Variants in LAIR1 observed in about 807,000 individuals in gnomAD.
LAIR1 encodes leukocyte-associated immunoglobulin-like receptor 1.
Under a neutral mutation model 32.8 loss-of-function variants are expected in LAIR1, and 24 were observed. That is an observed-to-expected ratio of 0.73 (90% CI 0.53 to 1.03). LAIR1 has a LOEUF of 1.03. Among genes scored for constraint, LAIR1 ranks in the 50% least tolerant of loss-of-function variants. The pLI, the probability that LAIR1 is intolerant of heterozygous loss-of-function variation, is 0.00. For missense variants in LAIR1, 355 were observed against 347.5 expected (o/e 1.02, Z -0.17); for synonymous variants, 150 against 140.5 (o/e 1.07, Z -0.48).
upstream of LAIR1, among the ~76,000 whole-genome samples, chr19:54,372,314 T>C (rs2082425087): frequency 6.6e-6 from 1 of 151,294 alleles, no homozygotes; most frequent in Non-Finnish European, 1.5e-5. Flanking sequence ...GTCTGCGTTT[T>C]AGAATTTGGC....
intron 5 of LAIR1, 140 bp downstream of exon 5, chr19:54,356,788 C>T: frequency 8.2e-7 from 1 of 1,224,834 alleles, no homozygotes; most frequent in Non-Finnish European, 1.2e-6. Flanking sequence ...CCACCGGGGT[C>T]CTGAGTGCTG....
exon 1 of LAIR1, chr19:54,370,474 T>TA (rs2082377446): frequency 2.2e-6 from 1 of 458,692 alleles, no homozygotes; most frequent in Non-Finnish European, 4.0e-6. Flanking sequence ...CTCGGAACAG[T>TA]ATTTTAACCT....
chr19:54,363,240 A>G (rs1299648328), intron 2 of LAIR1, among the ~76,000 whole-genome samples: 1 of 151,898 alleles, frequency 6.6e-6, no homozygotes, highest in Non-Finnish European at 1.5e-5. Flanking sequence ...TGATGCAGGA[A>G]AAGTCGATGA....
chr19:54,374,981 C>T (rs141044281), upstream of LAIR1, among the ~76,000 whole-genome samples: 572 of 152,180 alleles, frequency 3.8e-3, 1 homozygote, highest in African/African-American at 0.013. Flanking sequence ...TCACCATTAC[C>T]GGAAAGACTG....
intron 3 of LAIR1, chr19:54,360,615 C>T: frequency 2.0e-6 from 1 of 506,004 alleles, no homozygotes; most frequent in Admixed American, 3.5e-5. Flanking sequence ...GGGTTGCCCC[C>T]TAATCTCTGG....
At chr19:54,356,157 C>T in intron 8 of LAIR1, 73 bp downstream of exon 8, 1 of 1,434,828 alleles carries the variant, frequency 7.0e-7, no homozygotes, top group African/African-American at 1.4e-5. Flanking sequence ...CCCCCACCCC[C>T]CACATTGCAT....
chr19:54,354,694 T>C lies in LAIR1; in HGVS notation c.*574A>G, dbSNP rs1404417128. 6.6e-6 allele frequency: 1 copy of C among 152,228 alleles called. No individual in the cohort carries two copies. Among genetic ancestry groups the C allele is most frequent in the Non-Finnish European group, 1.5e-5 (1 of 68,066 alleles). 9.4% of individuals were successfully genotyped at this position (152,228 alleles called of 1,614,324 possible). A position where few individuals can be genotyped will look rare whatever the true frequency, so the allele number is the denominator to read the frequency against. ...GCCAGATGTGAGGCCTTCAAAATTATTTATTGATGCGTGGAGTAAAGCACA... is the reference window on the plus strand; with the variant it reads ...GCCAGATGTGAGGCCTTCAAAATTACTTATTGATGCGTGGAGTAAAGCACA... On this transcript the variant is annotated 3_prime_UTR_variant, in exon 10 of 10. Coordinates refer to ENST00000391742, the MANE Select transcript of LAIR1 (RefSeq NM_002287.6).
chr19:54,356,220 C>T lies in LAIR1; in HGVS notation c.664+10G>A, dbSNP rs759863176. On this transcript the variant is annotated intron_variant, in intron 8 of 9. Coordinates refer to ENST00000391742, the MANE Select transcript of LAIR1 (RefSeq NM_002287.6). ...CCATCCCAGGCCTGTCCCTCCTCCTCCCCCTTTACCTGCTGTCCTCTCTAG... is the reference window on the plus strand; with the variant it reads ...CCATCCCAGGCCTGTCCCTCCTCCTTCCCCTTTACCTGCTGTCCTCTCTAG... 1.9e-6 allele frequency: 3 copies of T among 1,612,260 alleles called. No homozygotes were observed. The East Asian group carries it at 6.7e-5, about 36-fold the overall frequency.
At chr19:54,363,922 A>G (rs2082138814) in intron 2 of LAIR1, among the ~76,000 whole-genome samples, 1 of 152,204 alleles carries the variant, frequency 6.6e-6, no homozygotes, top group Admixed American at 6.5e-5. Context: ...ATATTTCAAA[A>G]TTGCTAAAAG....
rs778685179 is a variant in LAIR1, at chr19:54,360,951, G to T, written c.329C>A (p.Ser110Tyr). The T allele has an allele frequency of 6.2e-7, 1 of 1,614,208 alleles. No individual in the cohort carries two copies. Among genetic ancestry groups the T allele is most frequent in the South Asian group, 1.1e-5 (1 of 91,086 alleles). ...CAGCTCCAGGTAGTCACTCTGCTCAGACCATTTAGGGGGCTTATAATAGAT... is the reference window on the plus strand; with the variant it reads ...CAGCTCCAGGTAGTCACTCTGCTCATACCATTTAGGGGGCTTATAATAGAT... ...RCIYYKPPKW[S>Y]EQSDYLELLV... Residue 110 changes from serine (S) to tyrosine (Y), a missense_variant, in exon 3 of 10, where the codon TCT (serine) becomes TAT (tyrosine). Coordinates refer to ENST00000391742, the MANE Select transcript of LAIR1 (RefSeq NM_002287.6).
intron 4 of LAIR1, chr19:54,358,131 T>G (rs1312078878): frequency 6.8e-6 from 1 of 147,096 alleles, no homozygotes; most frequent in Non-Finnish European, 1.5e-5. Context: ...CTATAATATA[T>G]AATGTATAAT....
Position 54,356,344 on chromosome 19 carries a change from CA to C in LAIR1, c.626+11del. On this transcript the variant is annotated intron_variant, in intron 7 of 9. Transcript: ENST00000391742. ...TGGGTGGAGGTCCAGGAGTCATTCC[CA>C]GGGGCCTCACCTCTGCTGTGGCTTC... 4.4e-6 allele frequency: 7 copies of C among 1,596,726 alleles called. No homozygotes were observed. Among genetic ancestry groups the C allele is most frequent in the Non-Finnish European group, 6.0e-6 (7 of 1,171,946 alleles).
upstream of LAIR1, among the ~76,000 whole-genome samples, chr19:54,369,902 G>C (rs539702645): frequency 2.7e-5 from 4 of 150,380 alleles, 1 homozygote; most frequent in African/African-American, 1.0e-4. Flanking sequence ...AGATGTGGTC[G>C]CCGTAATGAT....
chr19:54,353,628 G>T lies in LAIR1; in HGVS notation c.*1640C>A, dbSNP rs566811272. On this transcript the variant is annotated 3_prime_UTR_variant, in exon 10 of 10. Coordinates refer to ENST00000391742, the MANE Select transcript of LAIR1 (RefSeq NM_002287.6). ...AAAATAATAGAGCACGCTGTGGAGG[G>T]TTTGTAGGAGAATTTAATGTGTCCA... 3 of 152,290 alleles carry T rather than the reference G, an allele frequency of 2.0e-5. No homozygotes were observed. The highest frequency in any genetic ancestry group is 3.9e-4 in the East Asian group (2 of 5,192). 9.4% of individuals were successfully genotyped at this position (152,290 alleles called of 1,614,324 possible).
In LAIR1 at chr19:54,360,824, C is replaced by CAGAG. The variant is rs199652187; in HGVS notation, c.364+88_364+91dup. 7,764 of 1,317,594 alleles carry CAGAG rather than the reference C, an allele frequency of 5.9e-3. 414 individuals are homozygous for CAGAG. In the Admixed American group the frequency reaches 0.1, roughly 17 times the overall value. The allele number at this position is 1,317,594 out of a possible 1,614,324, so 81.6% of individuals were successfully genotyped here. ...GTCAGGAGGAGGACAAGGTTGGCCA[C>CAGAG]AGAGGACAGCAGCTGGGACAGGGTC... On this transcript the variant is annotated intron_variant, in intron 3 of 9. Transcript: ENST00000391742.
At chr19:54,372,156 G>C (rs187697255), upstream of LAIR1, among the ~76,000 whole-genome samples, 147 of 151,770 alleles carry the variant, frequency 9.7e-4, 6 homozygotes, top group African/African-American at 3.2e-3. Context: ...GAATGCAATT[G>C]CTGGATTACA....
rs746673117 is a variant in LAIR1 at position 54,364,303 on chromosome 19, G to T, written c.62C>A (p.Thr21Lys). 1.9e-6 allele frequency: 3 copies of T among 1,613,612 alleles called. No homozygotes were observed. In the African/African-American group the frequency reaches 4.0e-5, roughly 22 times the overall value. Reference protein sequence around the residue: ...LVLCLAQTIHTQEEDLPRPSI... With the variant: ...LVLCLAQTIHKQEEDLPRPSI... ...ACGAAGGCATGACTTACCCTCCTGC[G>T]TGTGGATGGTCTGGGCCAGGCAGAG... The change falls in exon 2 of 10, where the codon ACG (threonine) becomes AAG (lysine). Residue 21 changes from threonine to lysine, a missense_variant. Physicochemically the swap from Thr to Lys is moderately conservative, Grantham distance 78. Transcript: ENST00000391742. The surrounding 1 kb of genome is among the most constrained non-coding windows in gnomAD (Gnocchi z 4.8).
chr19:54,367,767 A>ATTT (rs774147516), upstream of LAIR1, among the ~76,000 whole-genome samples: 692 of 129,490 alleles, frequency 5.3e-3, 5 homozygotes, highest in Admixed American at 0.019. Flanking sequence ...ATTTTTTTTA[A>ATTT]TTTTTTTTTT....
chr19:54,351,574 T>TGC lies in LAIR1; in HGVS notation c.*3693_*3694insGC, dbSNP rs2081531964. 5 of 152,320 alleles carry TGC rather than the reference T, an allele frequency of 3.3e-5. No individual in the cohort carries two copies. In the East Asian group the frequency reaches 7.7e-4, roughly 24 times the overall value. 9.4% of individuals were successfully genotyped at this position (152,320 alleles called of 1,614,324 possible). The stretch of plus-strand genomic sequence containing the variant: ...TCACAGAAAGTTTTCAGAGACTAAC[T>TGC]GGCATCACCAACCAAAACACAACAT... On this transcript the variant is annotated 3_prime_UTR_variant, in exon 10 of 10. Coordinates refer to ENST00000391742, the MANE Select transcript of LAIR1 (RefSeq NM_002287.6).
Sources: gnomAD v4.1 joint callset for allele counts (sites outside exome capture counted in the v4.1 genomes callset) on GRCh38, gnomAD v4.1.1 for gene constraint, Gnocchi (gnomAD v3.1) non-coding constraint, MANE v1.5 for transcripts, NCBI Gene and HGNC (gene_info 2026-07-23, HGNC 2026-07-21) for gene names.